Variants in GRIK2 observed in about 807,000 individuals in gnomAD.
GRIK2 encodes the protein glutamate ionotropic receptor kainate type subunit 2, also known as glutamate receptor ionotropic, kainate 2.
GRIK2 carries 32 observed loss-of-function variants against 100.3 expected under a neutral mutation model. That is an observed-to-expected ratio of 0.32 (90% CI 0.24 to 0.43). The LOEUF is 0.43. GRIK2 is among the 20% of genes least tolerant of loss of function. GRIK2 has a pLI of 1.00. For synonymous variants in GRIK2, 417 were observed against 389.4 expected, an observed-to-expected ratio of 1.07 and a Z score of -0.83; for missense variants, 843 against 1,114.9, an observed-to-expected ratio of 0.76 and a Z score of 3.47.
At chr6:101,482,212 A>G (rs532060551) in intron 2 of GRIK2, among the ~76,000 whole-genome samples, 1 of 152,354 alleles carries the variant, frequency 6.6e-6, no homozygotes, top group Admixed American at 6.5e-5. Flanking sequence ...TTTCTCACTT[A>G]GATTCATTCC....
chr6:101,939,615 CT>C (rs1790830125), intron 14 of GRIK2, among the ~76,000 whole-genome samples: 1 of 152,130 alleles, frequency 6.6e-6, no homozygotes, highest in Admixed American at 6.6e-5. Context: ...CATCAGGAAT[CT>C]GTTTCCATGT....
intron 11 of GRIK2, among the ~76,000 whole-genome samples, chr6:101,864,373 A>C (rs1297600955): frequency 6.6e-6 from 1 of 152,188 alleles, no homozygotes; most frequent in Non-Finnish European, 1.5e-5. Flanking sequence ...CTCATGCTTC[A>C]GTGTATGAAA....
intron 2 of GRIK2, among the ~76,000 whole-genome samples, chr6:101,491,978 G>T (rs1712719260): frequency 6.6e-6 from 1 of 151,684 alleles, no homozygotes; most frequent in Non-Finnish European, 1.5e-5. Flanking sequence ...AATTGTTTCT[G>T]TTATATACTT....
rs866059491 is a variant in GRIK2 at position 101,436,632 on chromosome 6, A to G, written c.115+37240A>G. 2.6e-5 allele frequency among the ~76,000 whole-genome samples: 4 copies of G among 152,022 alleles called. No individual in the cohort carries two copies. The South Asian group carries it at 6.2e-4, about 24-fold the overall frequency. On this transcript the variant is annotated intron_variant, in intron 2 of 16. Coordinates refer to ENST00000369134, the MANE Select transcript of GRIK2 (RefSeq NM_021956.5). ...AGAATATATAATTTGGGGAATTGGT[A>G]TCTTCAGCAAATTTTCAGATTCTTC...
At chr6:101,812,666 A>G (rs1781406287) in intron 9 of GRIK2, among the ~76,000 whole-genome samples, 1 of 152,048 alleles carries the variant, frequency 6.6e-6, no homozygotes. Flanking sequence ...CTAGACAGAG[A>G]TAAGTAAACA....
chr6:101,448,500 T>G (rs530189086), intron 2 of GRIK2, among the ~76,000 whole-genome samples: 33 of 151,640 alleles, frequency 2.2e-4, no homozygotes, highest in African/African-American at 8.0e-4. Context: ...ATCAGTTCAT[T>G]TCTCTGGGCC....
At chr6:101,799,962 G>C (rs1583176233) in intron 8 of GRIK2, among the ~76,000 whole-genome samples, 171 bp downstream of exon 8, 1 of 152,092 alleles carries the variant, frequency 6.6e-6, no homozygotes, top group Non-Finnish European at 1.5e-5. Flanking sequence ...CCAAATGAAA[G>C]GTGAGGGGAA....
At chr6:101,494,974 TATA>T (rs1562178743) in intron 2 of GRIK2, among the ~76,000 whole-genome samples, 6 of 106,874 alleles carry the variant, frequency 5.6e-5, no homozygotes, top group African/African-American at 2.7e-4. Flanking sequence ...TATGCATTTA[TATA>T]TATATATATA....
chr6:101,432,896 A>G (rs149794028), intron 2 of GRIK2, among the ~76,000 whole-genome samples: 325 of 152,038 alleles, frequency 2.1e-3, no homozygotes, highest in Non-Finnish European at 4.0e-3. Context: ...TTAAAACATT[A>G]TACATATAAA....
chr6:101,532,649 T>G (rs1174954455), intron 2 of GRIK2, among the ~76,000 whole-genome samples: 1 of 151,582 alleles, frequency 6.6e-6, no homozygotes, highest in Admixed American at 6.6e-5. Flanking sequence ...AGAGTCAGTT[T>G]TAGTAAATGT....
intron 10 of GRIK2, among the ~76,000 whole-genome samples, chr6:101,856,386 A>C (rs148663999): frequency 1.3e-5 from 2 of 152,216 alleles, no homozygotes; most frequent in Admixed American, 6.5e-5. Flanking sequence ...TATAATGTCT[A>C]TGAGACATAA....
chr6:101,958,769 A>T (rs1462091592), intron 14 of GRIK2, among the ~76,000 whole-genome samples: 2 of 151,970 alleles, frequency 1.3e-5, no homozygotes, highest in Non-Finnish European at 2.9e-5. Flanking sequence ...TTTTTTCTGA[A>T]TCTATTGAGA....
chr6:101,486,386 T>A (rs908035317), intron 2 of GRIK2, among the ~76,000 whole-genome samples: 1 of 12,422 alleles, frequency 8.1e-5, no homozygotes, highest in African/African-American at 2.3e-4. Context: ...CATGAGGGGG[T>A]GGGGCGGGGG....
chr6:101,996,210 G>A (rs1299286194), intron 14 of GRIK2, among the ~76,000 whole-genome samples: 4 of 151,936 alleles, frequency 2.6e-5, no homozygotes, highest in African/African-American at 9.7e-5. Context: ...GGTAATGCAG[G>A]CAGTTAACAT....
At chr6:101,548,193 T>A (rs1284098231) in intron 2 of GRIK2, among the ~76,000 whole-genome samples, 3 of 152,204 alleles carry the variant, frequency 2.0e-5, no homozygotes, top group Non-Finnish European at 4.4e-5. Flanking sequence ...TAAATTTGTT[T>A]GAGTTCTTTG....
chr6:101,790,923 G>A (rs1227338751), intron 7 of GRIK2, among the ~76,000 whole-genome samples: 4 of 151,870 alleles, frequency 2.6e-5, no homozygotes. Context: ...ACTTCTTCCT[G>A]GTTTAGTCTT....
At chr6:101,582,008 C>T (rs1256391023) in intron 2 of GRIK2, among the ~76,000 whole-genome samples, 5 of 151,950 alleles carry the variant, frequency 3.3e-5, no homozygotes, top group Non-Finnish European at 7.4e-5. Flanking sequence ...GCTTTTCCCC[C>T]ATACTGTCCT....
At chr6:101,502,070 C>T (rs1378603700) in intron 2 of GRIK2, among the ~76,000 whole-genome samples, 5 of 152,142 alleles carry the variant, frequency 3.3e-5, no homozygotes, top group African/African-American at 1.2e-4. Flanking sequence ...TTAGTTTTCT[C>T]ATCTGTAATA....
intron 14 of GRIK2, among the ~76,000 whole-genome samples, chr6:102,014,791 C>T (rs1346700578): frequency 2.0e-5 from 3 of 151,806 alleles, no homozygotes; most frequent in Admixed American, 1.3e-4. Flanking sequence ...TGCTGTGGTC[C>T]CTGAGAGTGG....
Sources: gnomAD v4.1 joint callset for allele counts (sites outside exome capture counted in the v4.1 genomes callset) on GRCh38, gnomAD v4.1.1 for gene constraint, MANE v1.5 for transcripts, NCBI Gene and HGNC (gene_info 2026-07-23, HGNC 2026-07-21) for gene names.